PTPRD: variants seen among roughly 807,000 people sequenced by gnomAD.
The protein encoded by PTPRD is receptor-type tyrosine-protein phosphatase delta.
Under a neutral mutation model 214.5 loss-of-function variants are expected in PTPRD, and 34 were observed. That is an observed-to-expected ratio of 0.16 (90% CI 0.12 to 0.21). PTPRD has a LOEUF of 0.21. PTPRD is among the 10% of genes least tolerant of loss of function. The pLI, the probability that PTPRD is intolerant of heterozygous loss-of-function variation, is 1.00. For missense variants in PTPRD, 2,545 were observed against 2,398.7 expected (o/e 1.06, Z -1.27); for synonymous variants, 1,128 against 845.7 (o/e 1.33, Z -5.79).
chr9:8,438,393 A>C (rs978521241), intron 34 of PTPRD, among the ~76,000 whole-genome samples: 8 of 152,196 alleles, frequency 5.3e-5, no homozygotes, highest in African/African-American at 1.4e-4. Context: ...ATAAAACTGA[A>C]TTGCTTGCAA....
At chr9:9,437,965 T>C (rs533792641) in intron 8 of PTPRD, among the ~76,000 whole-genome samples, 18 of 152,326 alleles carry the variant, frequency 1.2e-4, no homozygotes, top group African/African-American at 3.8e-4. Flanking sequence ...TTGCGGTGTC[T>C]GCAGAGTTGG....
At chr9:9,732,970 G>C (rs1335253549) in intron 7 of PTPRD, among the ~76,000 whole-genome samples, 1 of 151,880 alleles carries the variant, frequency 6.6e-6, no homozygotes, top group Non-Finnish European at 1.5e-5. Context: ...TCATATTTAT[G>C]GTTAAATATG....
chr9:8,660,306 A>C (rs1425490731), intron 12 of PTPRD, among the ~76,000 whole-genome samples: 3 of 151,718 alleles, frequency 2.0e-5, no homozygotes, highest in Non-Finnish European at 4.4e-5. Context: ...AAATATTTAA[A>C]GGTTATAGGA....
At chr9:8,615,080 T>C (rs1387666944) in intron 14 of PTPRD, among the ~76,000 whole-genome samples, 3 of 152,140 alleles carry the variant, frequency 2.0e-5, no homozygotes, top group Non-Finnish European at 4.4e-5. Context: ...GATAATGTTC[T>C]GGGGGCTTTA....
intron 3 of PTPRD, among the ~76,000 whole-genome samples, chr9:10,049,271 A>G (rs1035443381): frequency 1.3e-5 from 2 of 152,004 alleles, no homozygotes; most frequent in South Asian, 2.1e-4. Context: ...TTTAACATAC[A>G]TCATTATTTT....
intron 9 of PTPRD, among the ~76,000 whole-genome samples, chr9:9,318,768 A>G (rs1964808859): frequency 6.6e-6 from 1 of 152,176 alleles, no homozygotes; most frequent in Admixed American, 6.6e-5. Flanking sequence ...ATCATAATAT[A>G]ATATTATGGA....
chr9:8,831,129 G>A (rs1376506226), intron 11 of PTPRD, among the ~76,000 whole-genome samples: 1 of 152,080 alleles, frequency 6.6e-6, no homozygotes, highest in Non-Finnish European at 1.5e-5. Flanking sequence ...TGAGACTCAG[G>A]AAAAGGGTTT....
At chr9:9,107,989 A>G (rs2099801055) in intron 10 of PTPRD, among the ~76,000 whole-genome samples, 1 of 152,140 alleles carries the variant, frequency 6.6e-6, no homozygotes, top group African/African-American at 2.4e-5. Flanking sequence ...CAAAATTTTC[A>G]TTAATATTGC....
intron 32 of PTPRD, among the ~76,000 whole-genome samples, chr9:8,463,193 C>G (rs1341877171): frequency 6.7e-6 from 1 of 149,150 alleles, no homozygotes; most frequent in Non-Finnish European, 1.5e-5. Context: ...TACTACTCTT[C>G]TCTCTCATTT....
At chr9:9,607,285 A>G (rs1413925772) in intron 7 of PTPRD, among the ~76,000 whole-genome samples, 2 of 152,168 alleles carry the variant, frequency 1.3e-5, no homozygotes, top group Non-Finnish European at 2.9e-5. Context: ...TTCTGTTTTT[A>G]CTAATGGGTC....
chr9:8,930,751 A>G (rs1212184228), intron 11 of PTPRD, among the ~76,000 whole-genome samples: 2 of 152,096 alleles, frequency 1.3e-5, no homozygotes, highest in Non-Finnish European at 2.9e-5. Flanking sequence ...TGGCTGCATT[A>G]ATGTCTTCTT....
At chr9:9,371,552 T>G (rs1198681431) in intron 9 of PTPRD, among the ~76,000 whole-genome samples, 1 of 152,172 alleles carries the variant, frequency 6.6e-6, no homozygotes, top group Non-Finnish European at 1.5e-5. Context: ...GTTGATCTTT[T>G]CAAAAAACCA....
chr9:9,596,407 T>C (rs577315856), intron 7 of PTPRD, among the ~76,000 whole-genome samples: 2 of 151,988 alleles, frequency 1.3e-5, no homozygotes, highest in East Asian at 3.9e-4. Context: ...AAGAGTCTTA[T>C]AGGGACGATA....
intron 14 of PTPRD, among the ~76,000 whole-genome samples, chr9:8,599,501 T>C (rs2094684844): frequency 6.6e-6 from 1 of 152,138 alleles, no homozygotes; most frequent in South Asian, 2.1e-4. Flanking sequence ...GATACTTTTT[T>C]TTCTTAATTC....
intron 5 of PTPRD, among the ~76,000 whole-genome samples, chr9:9,837,305 T>G (rs964270462): frequency 2.6e-5 from 4 of 152,112 alleles, no homozygotes; most frequent in African/African-American, 4.8e-5. Flanking sequence ...TTTGAGAGGA[T>G]GGTTTAATGA....
intron 5 of PTPRD, among the ~76,000 whole-genome samples, chr9:9,813,603 C>A (rs1035526512): frequency 1.7e-4 from 26 of 152,040 alleles, no homozygotes; most frequent in African/African-American, 6.0e-4. Flanking sequence ...TAATAATGAT[C>A]ATGCAAAGGT....
chr9:10,036,355 C>A (rs973237265), intron 3 of PTPRD, among the ~76,000 whole-genome samples: 7 of 151,926 alleles, frequency 4.6e-5, no homozygotes, highest in African/African-American at 1.5e-4. Context: ...CCTGTTAAGC[C>A]TGGATAAACA....
intron 4 of PTPRD, among the ~76,000 whole-genome samples, chr9:9,997,985 A>G (rs2096187133): frequency 6.6e-6 from 1 of 151,862 alleles, no homozygotes; most frequent in Non-Finnish European, 1.5e-5. Flanking sequence ...CGCCTGGGCC[A>G]TATGCAAATC....
At chr9:10,198,896 G>A (rs1222462310) in intron 3 of PTPRD, among the ~76,000 whole-genome samples, 2 of 152,038 alleles carry the variant, frequency 1.3e-5, no homozygotes, top group Non-Finnish European at 2.9e-5. Context: ...AAAGACACAT[G>A]TTAAAGAGGC....
Sources: gnomAD v4.1 joint callset for allele counts (sites outside exome capture counted in the v4.1 genomes callset) on GRCh38, gnomAD v4.1.1 for gene constraint, MANE v1.5 for transcripts, NCBI Gene and HGNC (gene_info 2026-07-23, HGNC 2026-07-21) for gene names.